Variants in R3HDM1 observed in about 807,000 individuals in gnomAD.
The protein encoded by R3HDM1 is R3H domain-containing protein 1.
In R3HDM1, 46 loss-of-function variants were observed where a neutral mutation model predicts 141.1. The ratio of observed to expected loss-of-function variants is 0.33; its 90% CI spans 0.26 to 0.42. R3HDM1 has a LOEUF of 0.42. Among genes scored for constraint, R3HDM1 ranks in the 10% least tolerant of loss-of-function variants. The pLI is 1.00. For synonymous variants in R3HDM1, 435 were observed against 472.9 expected, an observed-to-expected ratio of 0.92 and a Z score of 1.04; for missense variants, 1,184 against 1,368.3, an observed-to-expected ratio of 0.87 and a Z score of 2.12.
At chr2:135,632,100 A>G (rs976897041) in intron 9 of R3HDM1, 99 bp downstream of exon 9, 3 of 1,029,370 alleles carry the variant, frequency 2.9e-6, no homozygotes, top group South Asian at 5.7e-5. Flanking sequence ...ATGTTTTAAC[A>G]GTCTAATTAA....
At chr2:135,584,283 G>A (rs888118285) in intron 1 of R3HDM1, 1 of 663,158 alleles carries the variant, frequency 1.5e-6, no homozygotes, top group Non-Finnish European at 1.9e-6. Context: ...AGCCGAGATT[G>A]TGCCACTGCT....
chr2:135,623,300 T>C lies in R3HDM1; in HGVS notation c.497+568T>C, dbSNP rs1417248557. ...TGCAAAAATGGCTACCCACAAATTA[T>C]CTGACCAACACTTTCATGGAGTGAA... On this transcript the variant is annotated intron_variant, in intron 7 of 26. Coordinates refer to ENST00000683871, the MANE Select transcript of R3HDM1 (RefSeq NM_001378107.1). 5.9e-5 allele frequency among the ~76,000 whole-genome samples: 9 copies of C among 152,328 alleles called. No individual in the cohort carries two copies. In the East Asian group the frequency reaches 1.7e-3, roughly 29 times the overall value.
intron 26 of R3HDM1, among the ~76,000 whole-genome samples, chr2:135,723,455 G>A (rs1305786355): frequency 6.6e-6 from 1 of 151,760 alleles, no homozygotes; most frequent in Admixed American, 6.6e-5. Flanking sequence ...TTGCCTATCG[G>A]GTAAGTAGGA....
At chr2:135,689,619 T>C (rs747284849) in intron 21 of R3HDM1, among the ~76,000 whole-genome samples, 1 of 152,188 alleles carries the variant, frequency 6.6e-6, no homozygotes, top group Non-Finnish European at 1.5e-5. Context: ...AATTATTATG[T>C]CTACTTTCAG....
chr2:135,535,936 A>G (rs966986412), intron 1 of R3HDM1, among the ~76,000 whole-genome samples: 8 of 151,920 alleles, frequency 5.3e-5, no homozygotes, highest in Non-Finnish European at 8.8e-5. Flanking sequence ...TATCTTTACT[A>G]TTTTCCCTCA....
chr2:135,680,113 A>C, intron 20 of R3HDM1, 60 bp from the exon 21 acceptor site: 1 of 1,501,704 alleles, frequency 6.7e-7, no homozygotes, highest in Non-Finnish European at 9.1e-7. Context: ...TTGAAAACAT[A>C]AACATTTACA....
chr2:135,724,253 C>G lies in R3HDM1; in HGVS notation c.3366C>G (p.His1122Gln), dbSNP rs745526356. The G allele has an allele frequency of 6.2e-7, 1 of 1,613,686 alleles. No individual in the cohort carries two copies. Among genetic ancestry groups the G allele is most frequent in the Non-Finnish European group, 8.5e-7 (1 of 1,179,838 alleles). Residue 1122 changes from histidine to glutamine, a missense_variant, in exon 27 of 27, where the codon CAC (histidine) becomes CAG (glutamine). Coordinates refer to ENST00000683871, the MANE Select transcript of R3HDM1 (RefSeq NM_001378107.1). The part of the protein sequence containing the change: ...NKFKLRTSKK[H>Q]YDFHILERAS... Reference sequence around the variant, plus strand: ...TTAAGCTGAGAACAAGCAAGAAGCACTATGACTTTCACATTTTGGAAAGGG... The same window carrying G: ...TTAAGCTGAGAACAAGCAAGAAGCAGTATGACTTTCACATTTTGGAAAGGG...
Position 135,616,161 on chromosome 2 carries a change from C to T in R3HDM1, c.181C>T (p.Gln61Ter). ...TTTCTTGTATATTCAGCGGCCATTG[C>T]AGTCATTTGGACAGACAGGAAAAAG... The part of the protein sequence containing the change: ...ENNIDLQRPL[Q>*]SFGQTGKRSK... The change falls in exon 4 of 27, where the codon CAG (glutamine) becomes TAG (stop). Residue 61 changes from glutamine to a stop codon, truncating the protein, a stop_gained. Coordinates refer to ENST00000683871, the MANE Select transcript of R3HDM1 (RefSeq NM_001378107.1). LOFTEE classifies it high-confidence loss of function. 6.2e-7 allele frequency: 1 copy of T among 1,612,998 alleles called. No homozygotes were observed. Among genetic ancestry groups the T allele is most frequent in the Non-Finnish European group, 8.5e-7 (1 of 1,179,062 alleles).
intron 1 of R3HDM1, among the ~76,000 whole-genome samples, chr2:135,578,389 G>T: frequency 6.6e-6 from 1 of 152,188 alleles, no homozygotes; most frequent in East Asian, 1.9e-4. Flanking sequence ...CATGAGAATG[G>T]GGTAGAAAGA....
In R3HDM1 at chr2:135,532,578, TCTTCATGGTTATAGTTTAC is replaced by T. The variant is rs1332476119; in HGVS notation, c.-250+948_-250+966del. On this transcript the variant is annotated intron_variant, in intron 1 of 26. Transcript: ENST00000683871. Reference sequence around the variant, plus strand: ...AATTTTCTAAATATATATATATATATCTTCATGGTTATAGTTTACCTAATTGTAACTGTAAGAAACCTTT... The same window carrying T: ...AATTTTCTAAATATATATATATATATCTAATTGTAACTGTAAGAAACCTTT... 5.2e-4 allele frequency among the ~76,000 whole-genome samples: 79 copies of T among 152,058 alleles called. 1 individual carries two copies. The highest frequency in any genetic ancestry group is 1.9e-3 in the African/African-American group (79 of 41,530).
intron 19 of R3HDM1, among the ~76,000 whole-genome samples, chr2:135,664,982 C>T (rs904884001): frequency 6.6e-6 from 1 of 152,134 alleles, no homozygotes; most frequent in African/African-American, 2.4e-5. Context: ...CTGTTGAAGC[C>T]TCTGTGTACT....
At chr2:135,698,008 G>A (rs1202058808) in intron 21 of R3HDM1, among the ~76,000 whole-genome samples, 4 of 148,088 alleles carry the variant, frequency 2.7e-5, no homozygotes, top group Non-Finnish European at 5.9e-5. Context: ...AGCCGAGATG[G>A]TGCCACTGCA....
At chr2:135,718,802 T>C (rs2076411347) in intron 24 of R3HDM1, among the ~76,000 whole-genome samples, 2 of 152,236 alleles carry the variant, frequency 1.3e-5, no homozygotes, top group African/African-American at 2.4e-5. Flanking sequence ...TTTTATTTTC[T>C]CCTTCGTAAT....
chr2:135,533,741 T>C (rs1695447114), intron 1 of R3HDM1, among the ~76,000 whole-genome samples: 1 of 152,110 alleles, frequency 6.6e-6, no homozygotes, highest in African/African-American at 2.4e-5. Flanking sequence ...TAGTCGCTCA[T>C]GGTGGCGGGC....
chr2:135,621,754 G>A, intron 6 of R3HDM1, 146 bp downstream of exon 6: 1 of 1,266,554 alleles, frequency 7.9e-7, no homozygotes, highest in Non-Finnish European at 1.0e-6. Context: ...TAACTCATCT[G>A]GGCAAAATGG....
chr2:135,639,191 T>A (rs2063543881), intron 14 of R3HDM1, 69 bp downstream of exon 14: 1 of 1,428,056 alleles, frequency 7.0e-7, no homozygotes, highest in African/African-American at 1.4e-5. Context: ...AGGTCCTTAT[T>A]TATCAGATGG....
At chr2:135,709,375 TC>T in intron 21 of R3HDM1, 57 bp from the exon 22 acceptor site, 1 of 1,604,744 alleles carries the variant, frequency 6.2e-7, no homozygotes, top group Non-Finnish European at 8.5e-7. Flanking sequence ...CCCAGCCCAT[TC>T]AAGAATGTTT....
intron 21 of R3HDM1, among the ~76,000 whole-genome samples, chr2:135,700,982 C>A (rs1403896066): frequency 6.6e-6 from 1 of 151,826 alleles, no homozygotes; most frequent in Non-Finnish European, 1.5e-5. Flanking sequence ...TACATGCCTC[C>A]GATAAAGTTT....
chr2:135,581,643 C>T (rs1706831446), intron 1 of R3HDM1, among the ~76,000 whole-genome samples: 1 of 152,166 alleles, frequency 6.6e-6, no homozygotes, highest in Admixed American at 6.5e-5. Context: ...ATTTTTGCCC[C>T]TATCCCAGTT....
Sources: allele counts gnomAD v4.1 joint callset (sites outside exome capture counted in the v4.1 genomes callset), GRCh38; gene constraint gnomAD v4.1.1; transcripts MANE v1.5; gene names NCBI Gene and HGNC (gene_info 2026-07-23, HGNC 2026-07-21).